The following PLEKHA5 variants were observed in gnomAD, a reference collection of about 807,000 sequenced individuals.
PLEKHA5 encodes the protein pleckstrin homology domain containing A5.
Under a neutral mutation model 181.9 loss-of-function variants are expected in PLEKHA5, and 55 were observed. The observed-to-expected ratio is 0.30, with a 90% CI of 0.24 to 0.38. The LOEUF (loss-of-function observed/expected upper bound fraction) is 0.38, where lower values mean the gene tolerates loss of function less well. Among genes scored for constraint, PLEKHA5 ranks in the 10% least tolerant of loss-of-function variants. The probability of loss-of-function intolerance (pLI) is 1.00; values close to 1 mark genes in which losing one functional copy is unlikely to be tolerated. For synonymous variants in PLEKHA5, 535 were observed against 529.4 expected (o/e 1.01, Z -0.15); for missense variants, 1,432 against 1,549.5 (o/e 0.92, Z 1.27).
At chr12:19,283,149 C>CACAA in intron 11 of PLEKHA5, 131 bp from the exon 12 acceptor site, 1 of 197,806 alleles carries the variant, frequency 5.1e-6, no homozygotes. Flanking sequence ...TCTTGTCTCC[C>CACAA]AAAAAAAAAA....
intron 3 of PLEKHA5, among the ~76,000 whole-genome samples, chr12:19,249,089 T>C (rs2064539391): frequency 1.3e-5 from 2 of 152,144 alleles, no homozygotes; most frequent in African/African-American, 4.8e-5. Flanking sequence ...TCCCAGCAGT[T>C]TGGGAAACCA....
intron 11 of PLEKHA5, among the ~76,000 whole-genome samples, chr12:19,281,813 A>T (rs187209752): frequency 6.6e-6 from 1 of 151,434 alleles, no homozygotes; most frequent in Non-Finnish European, 1.5e-5. Context: ...ATGGAGTCTC[A>T]CTCTGTCGCC....
chr12:19,161,453 CAG>C (rs1320549981), intron 3 of PLEKHA5, among the ~76,000 whole-genome samples: 2 of 152,152 alleles, frequency 1.3e-5, no homozygotes, highest in African/African-American at 4.8e-5. Context: ...TAAAAACTAA[CAG>C]ACTTACCGGT....
intron 3 of PLEKHA5, among the ~76,000 whole-genome samples, chr12:19,161,761 G>C (rs892984859): frequency 2.0e-5 from 3 of 152,176 alleles, no homozygotes; most frequent in African/African-American, 7.2e-5. Context: ...AGATTGAGAA[G>C]ATACCAGTAA....
At chr12:19,286,885 G>A (rs2077320514) in intron 12 of PLEKHA5, among the ~76,000 whole-genome samples, 1 of 150,020 alleles carries the variant, frequency 6.7e-6, no homozygotes, top group African/African-American at 2.4e-5. Flanking sequence ...AGGATCTCTT[G>A]AACCCAGGAG....
At chr12:19,365,714 G>A (rs2095406151) in intron 29 of PLEKHA5, among the ~76,000 whole-genome samples, 1 of 152,138 alleles carries the variant, frequency 6.6e-6, no homozygotes. Flanking sequence ...TGCTTTAAAT[G>A]GTTTAGGGAG....
At chr12:19,287,750 C>T (rs1054695841) in intron 13 of PLEKHA5, among the ~76,000 whole-genome samples, 194 bp downstream of exon 13, 1 of 152,116 alleles carries the variant, frequency 6.6e-6, no homozygotes, top group African/African-American at 2.4e-5. Flanking sequence ...ATACCTTTTC[C>T]TAAGTGTCTG....
chr12:19,299,292 G>T (rs918501345), intron 15 of PLEKHA5, among the ~76,000 whole-genome samples: 9 of 152,196 alleles, frequency 5.9e-5, no homozygotes, highest in Admixed American at 4.6e-4. Context: ...AGATTCTGTA[G>T]AACTGTCTGA....
At chr12:19,215,537 C>G (rs1377861746) in intron 3 of PLEKHA5, among the ~76,000 whole-genome samples, 2 of 152,124 alleles carry the variant, frequency 1.3e-5, no homozygotes, top group African/African-American at 2.4e-5. Context: ...TCAAGTTATA[C>G]TTTTTAAAAA....
At chr12:19,213,379 G>GC (rs1333111469) in intron 3 of PLEKHA5, among the ~76,000 whole-genome samples, 5 of 152,152 alleles carry the variant, frequency 3.3e-5, no homozygotes, top group Non-Finnish European at 7.4e-5. Flanking sequence ...AAGACCAAAA[G>GC]ATTATAGATG....
chr12:19,340,349 C>T (rs1170433092), intron 21 of PLEKHA5, among the ~76,000 whole-genome samples: 7 of 150,048 alleles, frequency 4.7e-5, no homozygotes, highest in African/African-American at 1.7e-4. Flanking sequence ...GCCAGCCGCC[C>T]CGTCCAGGAG....
intron 3 of PLEKHA5, among the ~76,000 whole-genome samples, chr12:19,141,227 A>G (rs2037195422): frequency 6.6e-6 from 1 of 152,102 alleles, no homozygotes; most frequent in Non-Finnish European, 1.5e-5. Context: ...GCAGCCCCAA[A>G]TTACACCCGT....
chr12:19,366,226 T>G, intron 30 of PLEKHA5, 117 bp downstream of exon 30: 1 of 813,730 alleles, frequency 1.2e-6, no homozygotes, highest in Non-Finnish European at 2.0e-6. Context: ...TACAGATGAG[T>G]CAACGTTTGC....
At chr12:19,141,134 A>C (rs2037145664) in intron 3 of PLEKHA5, among the ~76,000 whole-genome samples, 1 of 152,060 alleles carries the variant, frequency 6.6e-6, no homozygotes. Context: ...ATGCAAGTAA[A>C]TTCTTCAAGG....
chr12:19,268,136 G>T (rs1014821767), intron 8 of PLEKHA5, among the ~76,000 whole-genome samples: 1 of 152,096 alleles, frequency 6.6e-6, no homozygotes, highest in Non-Finnish European at 1.5e-5. Context: ...AAAATAAACT[G>T]TATCAACAGT....
chr12:19,345,378 C>T (rs531940522), intron 22 of PLEKHA5, among the ~76,000 whole-genome samples: 15 of 147,768 alleles, frequency 1.0e-4, no homozygotes, highest in Non-Finnish European at 1.8e-4. Context: ...CCAGCCTGGG[C>T]GACAGAGCGA....
rs912693396 is a variant in PLEKHA5, at chr12:19,234,450, T to C, written c.228-19490T>C. On this transcript the variant is annotated intron_variant, in intron 3 of 31. Coordinates refer to ENST00000429027, the MANE Select transcript of PLEKHA5 (RefSeq NM_001256470.2). ...GGTGGCTGTATTAAAGGGCCTGACC[T>C]TCACAGGTTCTACAGAAGCTGTGCA... 3.9e-5 allele frequency among the ~76,000 whole-genome samples: 6 copies of C among 152,324 alleles called. No homozygotes were observed. In the South Asian group the frequency reaches 1.2e-3, roughly 32 times the overall value.
At chr12:19,265,930 A>G in intron 8 of PLEKHA5, 80 bp downstream of exon 8, 1 of 695,756 alleles carries the variant, frequency 1.4e-6, no homozygotes, top group Non-Finnish European at 2.5e-6. Context: ...AGATTATTAC[A>G]AAAAAGCTAC....
chr12:19,132,329 A>G (rs551555575), intron 2 of PLEKHA5, 64 bp from the exon 3 acceptor site: 6 of 829,704 alleles, frequency 7.2e-6, no homozygotes, highest in African/African-American at 7.0e-5. Flanking sequence ...GATAATTAAA[A>G]TGGATTGAGA....
Sources: allele counts gnomAD v4.1 joint callset (sites outside exome capture counted in the v4.1 genomes callset), GRCh38; gene constraint gnomAD v4.1.1; transcripts MANE v1.5; gene names NCBI Gene and HGNC (gene_info 2026-07-23, HGNC 2026-07-21).